C3orf20: variants seen among roughly 807,000 people sequenced by gnomAD.
The protein encoded by C3orf20 is family with sequence similarity 149 member C.
In C3orf20, 76 loss-of-function variants were observed where a neutral mutation model predicts 88.3. The observed-to-expected ratio is 0.86, with a 90% CI of 0.72 to 1.04. C3orf20 has a LOEUF of 1.04. Among genes scored for constraint, C3orf20 ranks in the 50% least tolerant of loss-of-function variants. C3orf20 has a pLI of 0.00. For missense variants in C3orf20, 1,056 were observed against 1,123.3 expected (o/e 0.94, Z 0.86); for synonymous variants, 436 against 437.4 (o/e 1.00, Z 0.04).
chr3:14,721,129 G>A (rs527306039), intron 9 of C3orf20, among the ~76,000 whole-genome samples: 1 of 152,318 alleles, frequency 6.6e-6, no homozygotes, highest in African/African-American at 2.4e-5. Context: ...ACATATTTGT[G>A]GAAGGGGCTG....
At chr3:14,740,874 T>C (rs1334848899) in intron 12 of C3orf20, among the ~76,000 whole-genome samples, 6 of 152,230 alleles carry the variant, frequency 3.9e-5, no homozygotes, top group Admixed American at 3.9e-4. Context: ...TATACTCTGC[T>C]GAAATTCTCC....
At chr3:14,696,530 A>G (rs2033011678) in intron 5 of C3orf20, among the ~76,000 whole-genome samples, 1 of 151,980 alleles carries the variant, frequency 6.6e-6, no homozygotes, top group Non-Finnish European at 1.5e-5. Context: ...AGCTGGGACT[A>G]CAGACACATG....
intron 12 of C3orf20, among the ~76,000 whole-genome samples, chr3:14,733,154 A>T (rs6777534): frequency 0.061 from 9,342 of 152,146 alleles, 551 homozygotes; most frequent in African/African-American, 0.15. Flanking sequence ...AGAGTTTTTC[A>T]TCTATACTCA....
intron 7 of C3orf20, among the ~76,000 whole-genome samples, chr3:14,713,214 T>A (rs2033816617): frequency 6.6e-6 from 1 of 152,292 alleles, no homozygotes; most frequent in South Asian, 2.1e-4. Flanking sequence ...TTTGGGGAGT[T>A]TTCAGCCATT....
chr3:14,724,061 C>T (rs2034264598), intron 10 of C3orf20, among the ~76,000 whole-genome samples: 1 of 152,050 alleles, frequency 6.6e-6, no homozygotes, highest in Non-Finnish European at 1.5e-5. Flanking sequence ...TTAGATGACC[C>T]ACGCGCCTCA....
Position 14,736,393 on chromosome 3 carries a change from C to T in C3orf20, c.1940+7705C>T, listed in dbSNP as rs146228516. Among the ~76,000 whole-genome samples the T allele has an allele frequency of 1.5e-4, 23 of 151,636 alleles. 1 individual carries two copies. Among genetic ancestry groups the T allele is most frequent in the African/African-American group, 5.3e-4 (22 of 41,330 alleles). Reference sequence around the variant, plus strand: ...GCAACCTCTGCTTCCTGGGTTCAAGCGATTATCCTGCTTCAGCCTTCTGGG... The same window carrying T: ...GCAACCTCTGCTTCCTGGGTTCAAGTGATTATCCTGCTTCAGCCTTCTGGG... On this transcript the variant is annotated intron_variant, in intron 12 of 16. Transcript: ENST00000253697.
At chr3:14,741,271 CAG>C (rs1447727630) in intron 12 of C3orf20, among the ~76,000 whole-genome samples, 1 of 152,156 alleles carries the variant, frequency 6.6e-6, no homozygotes, top group Non-Finnish European at 1.5e-5. Context: ...GGTTGTTTAT[CAG>C]AGTCTTCTAC....
intron 7 of C3orf20, among the ~76,000 whole-genome samples, chr3:14,711,863 C>G (rs987728936): frequency 2.0e-5 from 3 of 152,044 alleles, no homozygotes; most frequent in African/African-American, 7.2e-5. Context: ...CGTATACCAT[C>G]TTTGTTTCTC....
At chr3:14,728,733 T>A (rs1042932237) in intron 12 of C3orf20, 45 bp downstream of exon 12, 2 of 1,591,674 alleles carry the variant, frequency 1.3e-6, no homozygotes, top group African/African-American at 2.7e-5. Flanking sequence ...GGTGTTGTGA[T>A]GGGCAGTGGG....
At chr3:14,690,572 C>G (rs1458951313) in intron 5 of C3orf20, among the ~76,000 whole-genome samples, 1 of 152,120 alleles carries the variant, frequency 6.6e-6, no homozygotes, top group East Asian at 1.9e-4. Flanking sequence ...TTTTTATGGG[C>G]AGGAAACAAA....
At chr3:14,760,062 C>T in intron 14 of C3orf20, 64 bp downstream of exon 14, 4 of 1,150,438 alleles carry the variant, frequency 3.5e-6, no homozygotes, top group Non-Finnish European at 5.3e-6. Context: ...TCTGCCCCTG[C>T]AGAATCACAC....
chr3:14,757,635 C>A lies in C3orf20; in HGVS notation c.2205C>A (p.Tyr735Ter), dbSNP rs751237753. The change falls in exon 13 of 17, where the codon TAC (tyrosine) becomes TAA (stop). Residue 735 changes from tyrosine to a stop codon, truncating the protein, a stop_gained. Coordinates refer to ENST00000253697, the MANE Select transcript of C3orf20 (RefSeq NM_032137.5). LOFTEE classifies it high-confidence loss of function. ...TCCAGTGGCTGCTGAACACTCTCTA[C>A]AACCACCAGCAGCGGGGCCGTGGCT... Reference protein sequence around the residue: ...GQLQWLLNTLYNHQQRGRGSP... With the variant: ...GQLQWLLNTL 10 of 1,612,198 alleles carry A rather than the reference C, an allele frequency of 6.2e-6. No homozygotes were observed. In the Admixed American group the frequency reaches 1.7e-4, roughly 27 times the overall value.
chr3:14,715,175 A>G (rs1559415934), intron 8 of C3orf20, 114 bp from the exon 9 acceptor site: 2 of 1,346,336 alleles, frequency 1.5e-6, no homozygotes, highest in African/African-American at 2.9e-5. Flanking sequence ...GCAGGACTCC[A>G]CCACTCCTCC....
chr3:14,730,511 C>T (rs968764466), intron 12 of C3orf20, among the ~76,000 whole-genome samples: 1 of 152,124 alleles, frequency 6.6e-6, no homozygotes, highest in African/African-American at 2.4e-5. Context: ...CCTGCCACTG[C>T]ACTCCAGCCT....
rs973501426 is a variant in C3orf20, at chr3:14,708,623, C to T, written c.1160+4005C>T. On this transcript the variant is annotated intron_variant, in intron 7 of 16. Coordinates refer to ENST00000253697, the MANE Select transcript of C3orf20 (RefSeq NM_032137.5). ...TGTAGATCACTTTGGGGAGTAATACCATTAACAGTTTGTTGTTGTTGTTGT... is the reference window on the plus strand; with the variant it reads ...TGTAGATCACTTTGGGGAGTAATACTATTAACAGTTTGTTGTTGTTGTTGT... Among the ~76,000 whole-genome samples, 6 of 151,846 alleles carry T rather than the reference C, an allele frequency of 4.0e-5. No individual in the cohort carries two copies. The East Asian group carries it at 1.2e-3, about 29-fold the overall frequency.
intron 12 of C3orf20, among the ~76,000 whole-genome samples, chr3:14,756,036 A>G (rs1189487472): frequency 6.7e-6 from 1 of 148,332 alleles, no homozygotes; most frequent in Non-Finnish European, 1.5e-5. Context: ...CTCAAAAAAA[A>G]AAAAAAAAAA....
In C3orf20 at chr3:14,757,618, C is replaced by T. The variant is rs138177777; in HGVS notation, c.2188C>T (p.Leu730=). The change falls in exon 13 of 17, where the codon CTG becomes TTG. Residue 730 remains leucine, a synonymous_variant. Coordinates refer to ENST00000253697, the MANE Select transcript of C3orf20 (RefSeq NM_032137.5). ...NYTSTGQLQW[L]LNTLYNHQQR... ...CACCAGCACTGGGCAGCTCCAGTGGCTGCTGAACACTCTCTACAACCACCA... is the reference window on the plus strand; with the variant it reads ...CACCAGCACTGGGCAGCTCCAGTGGTTGCTGAACACTCTCTACAACCACCA... 5.2e-5 allele frequency: 84 copies of T among 1,613,700 alleles called. No homozygotes were observed. The highest frequency in any genetic ancestry group is 6.9e-5 in the Non-Finnish European group (82 of 1,179,924).
chr3:14,746,738 C>A (rs180839087), intron 12 of C3orf20, among the ~76,000 whole-genome samples: 1 of 152,290 alleles, frequency 6.6e-6, no homozygotes, highest in East Asian at 1.9e-4. Context: ...TTTCTTTGGG[C>A]AGTTTTGCCT....
In C3orf20 at chr3:14,689,449, A is replaced by G. The variant is rs530230456; in HGVS notation, c.626-548A>G. On this transcript the variant is annotated intron_variant, in intron 4 of 16. Transcript: ENST00000253697. ...ACTATATTTGGGGGAAGAATAAACA[A>G]ATGATTTGGTGAGGTTTGTATAAGA... Among the ~76,000 whole-genome samples the G allele has an allele frequency of 2.0e-5, 3 of 152,314 alleles. No homozygotes were observed. The South Asian group carries it at 6.2e-4, about 32-fold the overall frequency.
Sources: gnomAD v4.1 joint callset for allele counts (sites outside exome capture counted in the v4.1 genomes callset) on GRCh38, gnomAD v4.1.1 for gene constraint, MANE v1.5 for transcripts, NCBI Gene and HGNC (gene_info 2026-07-23, HGNC 2026-07-21) for gene names.